The following LMNTD1 variants were observed in gnomAD, a reference collection of about 807,000 sequenced individuals.
The protein encoded by LMNTD1 is lamin tail domain containing 1.
In LMNTD1, 35 loss-of-function variants were observed where a neutral mutation model predicts 50.9. That is an observed-to-expected ratio of 0.69 (90% CI 0.53 to 0.91). The LOEUF (loss-of-function observed/expected upper bound fraction) is 0.91. Ranked by LOEUF, LMNTD1 falls within the 40% of genes least tolerant of loss-of-function variation. LMNTD1 has a pLI of 0.00. For synonymous variants in LMNTD1, 153 were observed against 161.9 expected (o/e 0.94, Z 0.42); for missense variants, 470 against 475.5 (o/e 0.99, Z 0.11).
intron 1 of LMNTD1, among the ~76,000 whole-genome samples, chr12:25,640,340 T>C (rs942866546): frequency 2.0e-5 from 3 of 151,936 alleles, no homozygotes; most frequent in African/African-American, 4.8e-5. Context: ...CAAAACCCTG[T>C]CTCTACAAAA....
chr12:25,615,085 AG>A (rs34524941), intron 1 of LMNTD1, among the ~76,000 whole-genome samples: 2 of 152,140 alleles, frequency 1.3e-5, no homozygotes, highest in Non-Finnish European at 2.9e-5. Context: ...CGATAAATAC[AG>A]GGGGGCACAA....
At chr12:25,519,581 CTG>C (rs1941112981) in intron 7 of LMNTD1, among the ~76,000 whole-genome samples, 1 of 17,666 alleles carries the variant, frequency 5.7e-5, no homozygotes, top group Non-Finnish European at 1.8e-4. Flanking sequence ...GAGCGAGACT[CTG>C]TCTCAAAAAA....
chr12:25,519,804 AGTTACTAATT>A, intron 7 of LMNTD1, 44 bp downstream of exon 7: 2 of 1,129,008 alleles, frequency 1.8e-6, no homozygotes, highest in Non-Finnish European at 2.7e-6. Context: ...CCACATGCTT[AGTTACTAATT>A]GTGGGAAGGA....
At chr12:25,526,683 G>A (rs779822308) in intron 5 of LMNTD1, 86 bp downstream of exon 5, 200 of 868,388 alleles carry the variant, frequency 2.3e-4, no homozygotes, top group Middle Eastern at 7.4e-4. Context: ...GAGTGATAAC[G>A]AGACAGTGCT....
chr12:25,513,504 C>A (rs1169422128), intron 8 of LMNTD1, among the ~76,000 whole-genome samples: 1 of 152,044 alleles, frequency 6.6e-6, no homozygotes, highest in African/African-American at 2.4e-5. Context: ...GGTGTGGTGG[C>A]GTACACCTGT....
intron 9 of LMNTD1, among the ~76,000 whole-genome samples, chr12:25,479,502 A>C (rs555354096): frequency 2.4e-4 from 37 of 152,338 alleles, no homozygotes; most frequent in Non-Finnish European, 4.4e-4. Flanking sequence ...TGACTTCAAA[A>C]GGCCATTCCA....
At chr12:25,588,213 C>A (rs1320288997) in intron 1 of LMNTD1, among the ~76,000 whole-genome samples, 1 of 152,104 alleles carries the variant, frequency 6.6e-6, no homozygotes, top group East Asian at 1.9e-4. Context: ...GCTACTATAG[C>A]AACTAACTAG....
In LMNTD1 at chr12:25,502,198, C is replaced by T. The variant is rs1204181232; in HGVS notation, c.*22+1540G>A. On this transcript the variant is annotated intron_variant, in intron 9 of 9. Coordinates refer to ENST00000458174, the MANE Select transcript of LMNTD1 (RefSeq NM_001145728.2). ...CAATATCCAATGGGATGATTCAGAA[C>T]ATTTTTTTCCAAGCAAAACATAAAA... 2.0e-5 allele frequency among the ~76,000 whole-genome samples: 3 copies of T among 152,132 alleles called. No homozygotes were observed. The East Asian group carries it at 5.8e-4, about 29-fold the overall frequency.
At chr12:25,594,621 AAATC>A (rs1945793404) in intron 1 of LMNTD1, among the ~76,000 whole-genome samples, 1 of 148,574 alleles carries the variant, frequency 6.7e-6, no homozygotes, top group African/African-American at 2.5e-5. Flanking sequence ...TTTAAAGCAT[AAATC>A]TCACAGGACC....
intron 6 of LMNTD1, among the ~76,000 whole-genome samples, chr12:25,520,664 G>A (rs899765023): frequency 6.6e-6 from 1 of 152,158 alleles, no homozygotes; most frequent in African/African-American, 2.4e-5. Context: ...AATGAAGATG[G>A]CTGTGCAGAT....
At chr12:25,528,210 G>A (rs1336553356) in intron 4 of LMNTD1, among the ~76,000 whole-genome samples, 2 of 152,068 alleles carry the variant, frequency 1.3e-5, no homozygotes, top group East Asian at 3.9e-4. Flanking sequence ...AAAATGTGAG[G>A]AACACTGTAT....
chr12:25,617,997 C>T (rs1405889772), intron 1 of LMNTD1, among the ~76,000 whole-genome samples: 4 of 152,194 alleles, frequency 2.6e-5, no homozygotes, highest in Admixed American at 2.0e-4. Context: ...GGTTGATGTA[C>T]AAGCTCACAC....
intron 1 of LMNTD1, among the ~76,000 whole-genome samples, chr12:25,612,328 A>ACACGTG (rs34069424): frequency 6.8e-6 from 1 of 146,418 alleles, no homozygotes; most frequent in Non-Finnish European, 1.5e-5. Context: ...ACACACACAC[A>ACACGTG]CGCGCTCCCA....
upstream of LMNTD1, among the ~76,000 whole-genome samples, chr12:25,555,965 CTTTTTTTT>C (rs71065954): frequency 1.6e-4 from 11 of 69,472 alleles, no homozygotes; most frequent in East Asian, 2.2e-3. Context: ...GTGCAATAAT[CTTTTTTTT>C]TTTTTTTTTT....
intron 3 of LMNTD1, among the ~76,000 whole-genome samples, chr12:25,548,851 AT>A (rs1450918911): frequency 6.6e-6 from 1 of 151,556 alleles, no homozygotes; most frequent in Non-Finnish European, 1.5e-5. Flanking sequence ...TTGTTTTACC[AT>A]TTTCTCTCCA....
At chr12:25,582,721 AT>A (rs1945346107) in intron 1 of LMNTD1, among the ~76,000 whole-genome samples, 3 of 152,236 alleles carry the variant, frequency 2.0e-5, no homozygotes, top group Admixed American at 6.5e-5. Context: ...TTTCATAATC[AT>A]TTTTATAGTA....
intron 1 of LMNTD1, among the ~76,000 whole-genome samples, chr12:25,597,584 G>C (rs1046000828): frequency 6.6e-6 from 1 of 152,062 alleles, no homozygotes; most frequent in African/African-American, 2.4e-5. Context: ...ACACTGGACA[G>C]ACCTTCCAGA....
chr12:25,620,308 T>G (rs1319221757), intron 1 of LMNTD1, among the ~76,000 whole-genome samples: 1 of 152,120 alleles, frequency 6.6e-6, no homozygotes, highest in Non-Finnish European at 1.5e-5. Context: ...CTAATTCCAT[T>G]TAATTCTGTT....
rs114082118 is a variant in LMNTD1 at position 25,491,801 on chromosome 12, G to C, written c.*22+11937C>G. Among the ~76,000 whole-genome samples the C allele has an allele frequency of 4.0e-3, 606 of 152,316 alleles. 9 individuals are homozygous for C. Among genetic ancestry groups the C allele is most frequent in the African/African-American group, 0.014 (584 of 41,560 alleles). ...ACCCCTAAACAATCAACATTCCTCA[G>C]AGTTATTAGGAGAGACAATAGGTTT... On this transcript the variant is annotated intron_variant, in intron 9 of 9. Transcript: ENST00000458174.
Sources: allele counts gnomAD v4.1 joint callset (sites outside exome capture counted in the v4.1 genomes callset), GRCh38; gene constraint gnomAD v4.1.1; transcripts MANE v1.5; gene names NCBI Gene and HGNC (gene_info 2026-07-23, HGNC 2026-07-21).